Variants in USF3 observed in about 807,000 individuals in gnomAD.
USF3 encodes upstream transcription factor family member 3.
Under a neutral mutation model 157.5 loss-of-function variants are expected in USF3, and 29 were observed. The observed-to-expected ratio is 0.18, with a 90% confidence interval of 0.14 to 0.25. USF3 has a LOEUF of 0.25. USF3 is among the 10% of genes least tolerant of loss of function. USF3 has a pLI of 1.00. For missense variants in USF3, 2,381 were observed against 2,667.6 expected (o/e 0.89, Z 2.37); for synonymous variants, 893 against 941.4 (o/e 0.95, Z 0.94).
At chr3:113,696,190 C>T (rs962599069) in intron 1 of USF3, among the ~76,000 whole-genome samples, 180 bp downstream of exon 1, 2 of 152,180 alleles carry the variant, frequency 1.3e-5, no homozygotes, top group Non-Finnish European at 2.9e-5. Context: ...GCTGACGCCC[C>T]ACCAGGTGCC....
intron 1 of USF3, among the ~76,000 whole-genome samples, chr3:113,690,261 G>C (rs1022643413): frequency 3.9e-5 from 6 of 151,994 alleles, no homozygotes; most frequent in African/African-American, 1.5e-4. Flanking sequence ...CCTTTGTTAT[G>C]ACCACCTTAG....
chr3:113,649,928 G>GA lies in USF3; in HGVS notation c.*5015dup, dbSNP rs1947232187. ...CCTTTTCTTTCAAACCCTGGGGAAA[G>GA]AAAAATGGTAATGTTCAGCCAAAAA... On this transcript the variant is annotated 3_prime_UTR_variant, in exon 7 of 7. Coordinates refer to ENST00000316407, the MANE Select transcript of USF3 (RefSeq NM_001009899.4). 2.9e-6 allele frequency: 2 copies of GA among 692,398 alleles called. No individual in the cohort carries two copies. The highest frequency in any genetic ancestry group is 3.1e-5 in the South Asian group (2 of 65,130). 42.9% of individuals were successfully genotyped at this position (692,398 alleles called of 1,614,324 possible).
chr3:113,667,714 A>C (rs1202028022), intron 5 of USF3, among the ~76,000 whole-genome samples: 1 of 152,094 alleles, frequency 6.6e-6, no homozygotes, highest in South Asian at 2.1e-4. Flanking sequence ...TAAAAATACA[A>C]AAATTAGCCT....
chr3:113,664,016 T>C (rs1156573558), intron 6 of USF3, among the ~76,000 whole-genome samples: 19 of 152,246 alleles, frequency 1.2e-4, no homozygotes, highest in Admixed American at 1.2e-3. Context: ...CAATGTCCAA[T>C]TGGAATAAAG....
chr3:113,654,788 C>T lies in USF3; in HGVS notation c.*156G>A. On this transcript the variant is annotated 3_prime_UTR_variant, in exon 7 of 7. Coordinates refer to ENST00000316407, the MANE Select transcript of USF3 (RefSeq NM_001009899.4). Reference sequence around the variant, plus strand: ...TTGTTTTCTGACAACCCAGTATCTGCATCTGACATGGCTTCCCTACATTCA... The same window carrying T: ...TTGTTTTCTGACAACCCAGTATCTGTATCTGACATGGCTTCCCTACATTCA... 1.4e-6 allele frequency: 1 copy of T among 720,120 alleles called. No individual in the cohort carries two copies. Among genetic ancestry groups the T allele is most frequent in the Non-Finnish European group, 2.1e-6 (1 of 470,232 alleles). The allele number at this position is 720,120 out of a possible 1,614,324, so 44.6% of individuals were successfully genotyped here.
rs1947349600 is a variant in USF3, at chr3:113,655,960, C to G, written c.5722G>C (p.Gly1908Arg). Residue 1908 changes from glycine (G) to arginine (R), a missense_variant, in exon 7 of 7, where the codon GGT becomes CGT. Coordinates refer to ENST00000316407, the MANE Select transcript of USF3 (RefSeq NM_001009899.4). ...GAAACATTGGGGCTTGTGTTTCGAC[C>G]TTGAATATCTCCTGAGGAAGAGGAA... is the stretch of plus-strand genomic sequence containing the variant. ...SSSSSSGDIQ[G>R]RNTSPNVSVQ... 1 of 1,614,024 alleles carries G rather than the reference C, an allele frequency of 6.2e-7. No homozygotes were observed. The highest frequency in any genetic ancestry group is 1.7e-5 in the Admixed American group (1 of 60,002).
At chr3:113,663,625 A>G (rs1315663667) in intron 6 of USF3, among the ~76,000 whole-genome samples, 3 of 152,186 alleles carry the variant, frequency 2.0e-5, no homozygotes, top group Non-Finnish European at 4.4e-5. Context: ...AAGGTGGCCT[A>G]CTGAGTTGTC....
In USF3 at chr3:113,658,414, T is replaced by C. The variant is rs199925733; in HGVS notation, c.3268A>G (p.Thr1090Ala). The C allele has an allele frequency of 8.7e-5, 141 of 1,614,172 alleles. No homozygotes were observed. The highest frequency in any genetic ancestry group is 3.3e-4 in the Middle Eastern group (2 of 6,062). The change falls in exon 7 of 7, where the codon ACC becomes GCC. Residue 1090 changes from threonine (T) to alanine (A), a missense_variant. Physicochemically the swap from Thr to Ala is moderately conservative, Grantham distance 58. This residue lies in a region of USF3 where 1,435 missense variants were observed against 1,550.9 expected (regional missense o/e 0.93). Transcript: ENST00000316407. ...NGRQADSPMS[T>A]SSGSSRSFSV... ...AAACTACGACTACTGCCAGAGCTGGTTGACATGGGAGAGTCGGCCTGTCTA... is the reference window on the plus strand; with the variant it reads ...AAACTACGACTACTGCCAGAGCTGGCTGACATGGGAGAGTCGGCCTGTCTA...
chr3:113,658,293 G>A lies in USF3; in HGVS notation c.3389C>T (p.Thr1130Ile), dbSNP rs1375459960. ...TCDSCTFVEQTDIVALAARAI... is the reference protein window; with the variant it reads ...TCDSCTFVEQIDIVALAARAI... ...TCTTGCTGCAAGAGCTACTATATCA[G>A]TTTGCTCTACAAAGGTACAGCTGTC... is the stretch of plus-strand genomic sequence containing the variant. Residue 1130 changes from threonine (T) to isoleucine (I), a missense_variant, in exon 7 of 7, where the codon ACT becomes ATT. By Grantham distance (89) the Thr-to-Ile change is moderately conservative. Transcript: ENST00000316407. The A allele has an allele frequency of 1.2e-6, 2 of 1,614,050 alleles. No homozygotes were observed. Among genetic ancestry groups the A allele is most frequent in the Non-Finnish European group, 1.7e-6 (2 of 1,180,026 alleles).
In USF3 at chr3:113,655,993, A is replaced by C; in HGVS notation, c.5689T>G (p.Phe1897Val). 6.2e-7 allele frequency: 1 copy of C among 1,614,200 alleles called. No individual in the cohort carries two copies. Among genetic ancestry groups the C allele is most frequent in the Non-Finnish European group, 8.5e-7 (1 of 1,180,044 alleles). ...NTRNSTLNIPFSSSSSSGDIQ... is the reference protein window; with the variant it reads ...NTRNSTLNIPVSSSSSSGDIQ... ...TCTCCTGAGGAAGAGGAACTTGAAA[A>C]AGGAATATTCAAGGTGCTGTTCCTG... The change falls in exon 7 of 7, where the codon TTT becomes GTT. Residue 1897 changes from phenylalanine to valine, a missense_variant. By Grantham distance (50) the Phe-to-Val change is conservative. Transcript: ENST00000316407.
At chr3:113,666,758 TTTTG>T (rs983897665) in intron 5 of USF3, among the ~76,000 whole-genome samples, 2 of 151,718 alleles carry the variant, frequency 1.3e-5, no homozygotes, top group African/African-American at 4.8e-5. Flanking sequence ...GTTTTTTGTT[TTTTG>T]TTTTTTTAGT....
intron 6 of USF3, among the ~76,000 whole-genome samples, chr3:113,663,646 C>A (rs573885077): frequency 6.6e-6 from 1 of 152,272 alleles, no homozygotes; most frequent in South Asian, 2.1e-4. Flanking sequence ...ACAGAAAATT[C>A]TCTCCTTGCA....
At position 113,658,144 on chromosome 3, in the gene USF3, T is replaced by C. The variant is rs745996724; in HGVS notation, c.3538A>G (p.Ile1180Val). The change falls in exon 7 of 7, where the codon ATA becomes GTA. Residue 1180 changes from isoleucine to valine, a missense_variant. This residue lies in a region of USF3 where 1,435 missense variants were observed against 1,550.9 expected (regional missense o/e 0.93). Coordinates refer to ENST00000316407, the MANE Select transcript of USF3 (RefSeq NM_001009899.4). ...TGTCCTGTGCCACTCTCTTTAGGTATCTGTGATTTGAAGGGTGGGTCTCCC... is the reference window on the plus strand; with the variant it reads ...TGTCCTGTGCCACTCTCTTTAGGTACCTGTGATTTGAAGGGTGGGTCTCCC... ...LEGDPPFKSQ[I>V]PKESGTGQAE... 1.9e-6 allele frequency: 3 copies of C among 1,614,194 alleles called. No individual in the cohort carries two copies. The Admixed American group carries it at 5.0e-5, about 27-fold the overall frequency.
At position 113,653,447 on chromosome 3, in the gene USF3, C is replaced by A; in HGVS notation, c.*1497G>T. The A allele has an allele frequency of 6.6e-6, 1 of 151,380 alleles. No individual in the cohort carries two copies. Among genetic ancestry groups the A allele is most frequent in the East Asian group, 1.9e-4 (1 of 5,162 alleles). 9.4% of individuals were successfully genotyped at this position (151,380 alleles called of 1,614,324 possible). ...TGAAACCCCGTCTCTACTAAAAGTA[C>A]CAAAAATTAGCCAGGTGTGGTGGCA... On this transcript the variant is annotated 3_prime_UTR_variant, in exon 7 of 7. Transcript: ENST00000316407.
At chr3:113,693,919 G>C (rs760469516) in intron 1 of USF3, among the ~76,000 whole-genome samples, 5 of 152,234 alleles carry the variant, frequency 3.3e-5, no homozygotes, top group African/African-American at 4.8e-5. Context: ...ACACATGAGT[G>C]AGGCCTGATT....
In USF3 at chr3:113,655,779, C is replaced by T. The variant is rs761162341; in HGVS notation, c.5903G>A (p.Arg1968His). The change falls in exon 7 of 7, where the codon CGT becomes CAT. Residue 1968 changes from arginine to histidine, a missense_variant. Arg to His is a conservative substitution (Grantham distance 29). This residue lies in a region of USF3 where 770 missense variants were observed against 824.2 expected (regional missense o/e 0.93). Coordinates refer to ENST00000316407, the MANE Select transcript of USF3 (RefSeq NM_001009899.4). The part of the protein sequence containing the change: ...HGNGDQGPAV[R>H]QANSSVPQRS... ...CTGGGGAACTGAAGAATTAGCTTGA[C>T]GTACAGCAGGGCCTTGATCGCCATT... The T allele has an allele frequency of 7.4e-6, 12 of 1,613,972 alleles. No individual in the cohort carries two copies. In the African/African-American group the frequency reaches 9.3e-5, roughly 13 times the overall value.
chr3:113,672,795 T>C (rs570269986), intron 4 of USF3, among the ~76,000 whole-genome samples: 63 of 152,364 alleles, frequency 4.1e-4, no homozygotes, highest in Non-Finnish European at 5.3e-4. Context: ...ATAGATACAG[T>C]GTGCCAAATT....
Position 113,673,255 on chromosome 3 carries a change from C to T in USF3, c.76+93G>A, listed in dbSNP as rs1707202622. 7 of 832,338 alleles carry T rather than the reference C, an allele frequency of 8.4e-6. No individual in the cohort carries two copies. In the East Asian group the frequency reaches 1.8e-4, roughly 21 times the overall value. The allele number at this position is 832,338 out of a possible 1,614,324, so 51.6% of individuals were successfully genotyped here. On this transcript the variant is annotated intron_variant, in intron 4 of 6. Transcript: ENST00000316407. Reference sequence around the variant, plus strand: ...CCTAAAACATAATGAATAATGATTCCTTGCTTATAACATAAAAACTTATAA... The same window carrying T: ...CCTAAAACATAATGAATAATGATTCTTTGCTTATAACATAAAAACTTATAA...
chr3:113,684,539 A>AT (rs1003146670), intron 1 of USF3, among the ~76,000 whole-genome samples: 3 of 151,568 alleles, frequency 2.0e-5, no homozygotes, highest in Non-Finnish European at 2.9e-5. Context: ...CATGCTTCAT[A>AT]TTTTTTTTCT....
Sources: gnomAD v4.1 joint callset for allele counts (sites outside exome capture counted in the v4.1 genomes callset) on GRCh38, gnomAD v4.1.1 for gene constraint, gnomAD v4.1.1 regional missense constraint, MANE v1.5 for transcripts, NCBI Gene and HGNC (gene_info 2026-07-23, HGNC 2026-07-21) for gene names.